VPS41: variants seen among roughly 807,000 people sequenced by gnomAD.
VPS41 encodes VPS41 subunit of HOPS complex.
A neutral mutation model predicts 130.9 loss-of-function variants in VPS41; 85 were observed. The observed-to-expected ratio is 0.65, with a 90% CI of 0.55 to 0.78. The LOEUF (loss-of-function observed/expected upper bound fraction) is 0.78, where lower values mean the gene tolerates loss of function less well. Among genes scored for constraint, VPS41 ranks in the 30% least tolerant of loss-of-function variants. VPS41 has a pLI of 0.00. For missense variants in VPS41, 874 were observed against 1,018.7 expected (o/e 0.86, Z 1.93); for synonymous variants, 335 against 332.9 (o/e 1.01, Z -0.07).
intron 1 of VPS41, among the ~76,000 whole-genome samples, chr7:38,902,417 G>A (rs1217579636): frequency 6.6e-6 from 1 of 152,190 alleles, no homozygotes; most frequent in Admixed American, 6.5e-5. Flanking sequence ...TGGCAAATCA[G>A]TGGCCTGGGG....
intron 4 of VPS41, among the ~76,000 whole-genome samples, chr7:38,843,227 T>A (rs931348319): frequency 2.6e-5 from 4 of 152,232 alleles, no homozygotes; most frequent in African/African-American, 9.6e-5. Flanking sequence ...AGGTTTTCAA[T>A]ACTCAACTGA....
At chr7:38,789,710 CAA>C in intron 10 of VPS41, 89 bp downstream of exon 10, 1 of 1,322,952 alleles carries the variant, frequency 7.6e-7, no homozygotes, top group East Asian at 2.3e-5. Context: ...GGGATCCAGG[CAA>C]AAGACTATGG....
intron 7 of VPS41, among the ~76,000 whole-genome samples, chr7:38,799,442 T>C (rs1443587047): frequency 6.6e-6 from 1 of 152,048 alleles, no homozygotes; most frequent in East Asian, 1.9e-4. Flanking sequence ...CTAAACTTTA[T>C]GGGATACAAT....
chr7:38,740,560 T>A (rs1254979945), intron 25 of VPS41, among the ~76,000 whole-genome samples: 1 of 152,090 alleles, frequency 6.6e-6, no homozygotes, highest in Non-Finnish European at 1.5e-5. Context: ...AACCTCCAAA[T>A]CCCACTGGAA....
intron 25 of VPS41, among the ~76,000 whole-genome samples, chr7:38,730,743 T>A (rs1260104067): frequency 2.6e-5 from 4 of 151,716 alleles, no homozygotes; most frequent in South Asian, 4.2e-4. Context: ...AAGACAAAAA[T>A]AAAAAACTTA....
Position 38,903,572 on chromosome 7 carries a change from G to C in VPS41, c.22-5443C>G, listed in dbSNP as rs140007243. ...AATCATCTATCTCCATCTATGCCTG[G>C]AGGTACATGTGAACACTCACTGAGG... On this transcript the variant is annotated intron_variant, in intron 1 of 28. Coordinates refer to ENST00000310301, the MANE Select transcript of VPS41 (RefSeq NM_014396.4). Among the ~76,000 whole-genome samples, 974 of 152,300 alleles carry C rather than the reference G, an allele frequency of 6.4e-3. 3 individuals are homozygous for C. The highest frequency in any genetic ancestry group is 9.7e-3 in the Non-Finnish European group (658 of 68,020).
At chr7:38,729,426 G>A (rs1398201502) in intron 25 of VPS41, among the ~76,000 whole-genome samples, 1 of 152,142 alleles carries the variant, frequency 6.6e-6, no homozygotes, top group African/African-American at 2.4e-5. Flanking sequence ...GTGTGTGTGT[G>A]TGGTATTAAC....
intron 3 of VPS41, among the ~76,000 whole-genome samples, chr7:38,863,806 G>A (rs143589004): frequency 3.9e-5 from 6 of 152,306 alleles, no homozygotes; most frequent in Non-Finnish European, 8.8e-5. Context: ...GTGCCATGAC[G>A]ATTAGTCATC....
At chr7:38,822,709 G>A (rs1191417028) in intron 5 of VPS41, among the ~76,000 whole-genome samples, 2 of 152,196 alleles carry the variant, frequency 1.3e-5, no homozygotes, top group Non-Finnish European at 2.9e-5. Context: ...GAATTGCTGA[G>A]TCATAGGTTA....
intron 2 of VPS41, among the ~76,000 whole-genome samples, chr7:38,872,466 C>T (rs970796966): frequency 1.3e-5 from 2 of 152,162 alleles, no homozygotes; most frequent in Non-Finnish European, 1.5e-5. Context: ...CAGGCTATTT[C>T]GTGTCTACTG....
rs1219553254 is a variant in VPS41 at position 38,854,202 on chromosome 7, TAAAC to T, written c.246+8339_246+8342del. ...GAATCTGAGACCTGTCAATCAGTCT[TAAAC>T]AAGTATTACAGGCACTGGCACACTT... is the stretch of plus-strand genomic sequence containing the variant. On this transcript the variant is annotated intron_variant, in intron 4 of 28. Coordinates refer to ENST00000310301, the MANE Select transcript of VPS41 (RefSeq NM_014396.4). 3.9e-5 allele frequency among the ~76,000 whole-genome samples: 6 copies of T among 152,306 alleles called. No homozygotes were observed. In the East Asian group the frequency reaches 1.2e-3, roughly 29 times the overall value.
chr7:38,895,062 C>G (rs1200177138), intron 2 of VPS41, among the ~76,000 whole-genome samples: 1 of 152,216 alleles, frequency 6.6e-6, no homozygotes, highest in Non-Finnish European at 1.5e-5. Context: ...TGGCTCACGC[C>G]TATAATCCCA....
intron 10 of VPS41, 91 bp from the exon 11 acceptor site, chr7:38,776,867 AC>A (rs913915096): frequency 3.1e-6 from 2 of 644,094 alleles, no homozygotes; most frequent in African/African-American, 3.6e-5. Flanking sequence ...ATGCTAGTGG[AC>A]CCCTTTTTAA....
chr7:38,783,482 C>T (rs775130910), intron 10 of VPS41, among the ~76,000 whole-genome samples: 13 of 151,740 alleles, frequency 8.6e-5, no homozygotes, highest in African/African-American at 1.7e-4. Context: ...TACAGTGAGC[C>T]GAGATTGTGC....
intron 10 of VPS41, among the ~76,000 whole-genome samples, chr7:38,788,276 T>C (rs777219893): frequency 6.6e-6 from 1 of 152,248 alleles, no homozygotes; most frequent in Non-Finnish European, 1.5e-5. Flanking sequence ...GGAAGCTTTC[T>C]GGTGGTTCTG....
rs189236384 is a variant in VPS41 at position 38,894,671 on chromosome 7, C to T, written c.60+3420G>A. Among the ~76,000 whole-genome samples, 36 of 152,248 alleles carry T rather than the reference C, an allele frequency of 2.4e-4. No individual in the cohort carries two copies. The East Asian group carries it at 6.8e-3, about 29-fold the overall frequency. On this transcript the variant is annotated intron_variant, in intron 2 of 28. Transcript: ENST00000310301. ...GGCAAGCAACAAGACCCATTTTTCA[C>T]ACGAGGAAACTGAAGAATACAGGAG...
At chr7:38,826,022 T>C (rs545148839) in intron 5 of VPS41, among the ~76,000 whole-genome samples, 4 of 152,170 alleles carry the variant, frequency 2.6e-5, no homozygotes, top group Admixed American at 6.5e-5. Flanking sequence ...AGGGTGGACA[T>C]GTGAACTGTC....
intron 4 of VPS41, among the ~76,000 whole-genome samples, chr7:38,862,298 A>G (rs1295937489): frequency 6.6e-6 from 1 of 152,202 alleles, no homozygotes; most frequent in Non-Finnish European, 1.5e-5. Flanking sequence ...AGATTTTTAC[A>G]TGGAGTTTGC....
chr7:38,832,398 C>T (rs1385098345), intron 4 of VPS41, among the ~76,000 whole-genome samples: 2 of 148,058 alleles, frequency 1.4e-5, no homozygotes, highest in Non-Finnish European at 3.0e-5. Context: ...CAGCTCACTG[C>T]AACCTCGCCT....
Sources: allele counts gnomAD v4.1 joint callset (sites outside exome capture counted in the v4.1 genomes callset), GRCh38; gene constraint gnomAD v4.1.1; transcripts MANE v1.5; gene names NCBI Gene and HGNC (gene_info 2026-07-23, HGNC 2026-07-21).